Variants in LYPD6 observed in about 807,000 individuals in gnomAD.
LYPD6 encodes the protein LY6/PLAUR domain containing 6.
LYPD6 carries 15 observed loss-of-function variants against 22.7 expected under a neutral mutation model. The ratio of observed to expected loss-of-function variants is 0.66; its 90% CI spans 0.44 to 1.02. The LOEUF is 1.02. LYPD6 is among the 50% of genes least tolerant of loss of function. LYPD6 has a pLI of 0.00. For missense variants in LYPD6, 189 were observed against 208.4 expected, an observed-to-expected ratio of 0.91 and a Z score of 0.57; for synonymous variants, 72 against 77.5, an observed-to-expected ratio of 0.93 and a Z score of 0.37.
chr2:149,408,553 G>A (rs1411981546), intron 1 of LYPD6, among the ~76,000 whole-genome samples: 1 of 152,112 alleles, frequency 6.6e-6, no homozygotes, highest in Non-Finnish European at 1.5e-5. Context: ...ATTACTCTTA[G>A]AGTTGGACAT....
intron 2 of LYPD6, among the ~76,000 whole-genome samples, chr2:149,442,296 A>G (rs1305927984): frequency 1.3e-5 from 2 of 152,212 alleles, no homozygotes; most frequent in African/African-American, 2.4e-5. Flanking sequence ...TGTCTAGGCA[A>G]AAGTTCCAAG....
chr2:149,403,014 AATG>A (rs1216390067), intron 1 of LYPD6, among the ~76,000 whole-genome samples: 1 of 151,962 alleles, frequency 6.6e-6, no homozygotes, highest in Non-Finnish European at 1.5e-5. Context: ...GTTTACTGAG[AATG>A]ATGATTTCCA....
rs1227959786 is a variant in LYPD6, at chr2:149,474,043, A to G, written c.*3193A>G. The G allele has an allele frequency of 6.6e-6, 1 of 152,122 alleles. No homozygotes were observed. Among genetic ancestry groups the G allele is most frequent in the Non-Finnish European group, 1.5e-5 (1 of 68,022 alleles). The allele number at this position is 152,122 out of a possible 1,614,324, so 9.4% of individuals were successfully genotyped here. On this transcript the variant is annotated 3_prime_UTR_variant, in exon 5 of 5. Coordinates refer to ENST00000334166, the MANE Select transcript of LYPD6 (RefSeq NM_194317.5). ...AGATTTTCTCTTGATGGTTTCTTCA[A>G]CAGGAAACAGATATTGGAATAGTGT...
intron 3 of LYPD6, among the ~76,000 whole-genome samples, chr2:149,449,557 C>A (rs1374633287): frequency 6.6e-6 from 1 of 152,166 alleles, no homozygotes; most frequent in African/African-American, 2.4e-5. Context: ...TTCATGCAGT[C>A]TCTAGAATTT....
chr2:149,392,916 A>G (rs1439259617), intron 1 of LYPD6, among the ~76,000 whole-genome samples: 2 of 152,180 alleles, frequency 1.3e-5, no homozygotes, highest in African/African-American at 2.4e-5. Context: ...AGTTCCAGCT[A>G]CTTGGGAGGC....
chr2:149,385,190 G>A (rs1427410655), intron 1 of LYPD6, among the ~76,000 whole-genome samples: 2 of 151,952 alleles, frequency 1.3e-5, no homozygotes, highest in African/African-American at 2.4e-5. Flanking sequence ...GTGGCAGAGT[G>A]CAAATGGGTA....
the LYPD6 span, among the ~76,000 whole-genome samples, chr2:149,484,074 C>T: frequency 6.6e-6 from 1 of 152,216 alleles, no homozygotes; most frequent in South Asian, 2.1e-4. Context: ...AGTGAGCTTA[C>T]AACAAACGTT....
rs199989343 is a variant in LYPD6, at chr2:149,444,885, CA to C, written c.119-4161del. On this transcript the variant is annotated intron_variant, in intron 2 of 4. Coordinates refer to ENST00000334166, the MANE Select transcript of LYPD6 (RefSeq NM_194317.5). ...TGACATTTTGACCACCTGTGAATCA[CA>C]AATGTTCTTAATGGCACCTAGATGA... is the stretch of plus-strand genomic sequence containing the variant. Among the ~76,000 whole-genome samples the C allele has an allele frequency of 8.9e-3, 1,350 of 152,342 alleles. 15 individuals carry two copies. The highest frequency in any genetic ancestry group is 0.031 in the African/African-American group (1,295 of 41,574).
intron 1 of LYPD6, among the ~76,000 whole-genome samples, chr2:149,435,506 C>T (rs920177261): frequency 6.6e-6 from 1 of 152,148 alleles, no homozygotes; most frequent in Non-Finnish European, 1.5e-5. Context: ...GCAGACCTGT[C>T]CCAGAGGTGC....
intron 1 of LYPD6, among the ~76,000 whole-genome samples, chr2:149,370,217 A>C (rs1327010200): frequency 6.6e-6 from 1 of 152,184 alleles, no homozygotes; most frequent in Admixed American, 6.5e-5. Context: ...ATCTGGTATT[A>C]CATATGCCAG....
chr2:149,412,781 T>C (rs1682879650), intron 1 of LYPD6, among the ~76,000 whole-genome samples: 1 of 152,184 alleles, frequency 6.6e-6, no homozygotes, highest in South Asian at 2.1e-4. Flanking sequence ...AGTAATATCA[T>C]ATTAGGATCC....
intron 3 of LYPD6, among the ~76,000 whole-genome samples, chr2:149,467,630 A>C (rs1681230333): frequency 6.6e-6 from 1 of 152,184 alleles, no homozygotes; most frequent in African/African-American, 2.4e-5. Flanking sequence ...AGAAGGTCAT[A>C]ATTCCATATT....
chr2:149,478,417 G>T (rs1055357608), downstream of LYPD6, among the ~76,000 whole-genome samples: 4 of 139,476 alleles, frequency 2.9e-5, no homozygotes, highest in South Asian at 2.2e-4. Flanking sequence ...CGCATGTGTG[G>T]TTTTTTTTAT....
intron 3 of LYPD6, among the ~76,000 whole-genome samples, chr2:149,459,484 T>G (rs143671117): frequency 2.4e-4 from 36 of 152,374 alleles, no homozygotes; most frequent in African/African-American, 6.0e-4. Flanking sequence ...TACTTGATAC[T>G]ACAATGCAGT....
Position 149,333,560 on chromosome 2 carries a change from A to C in LYPD6, c.-72+2838A>C, listed in dbSNP as rs1306709113. On this transcript the variant is annotated intron_variant, in intron 1 of 4. Transcript: ENST00000334166. ...GTTTTCTTATGTGTAAAGCATGAAT[A>C]ATGCACCTACCTCATGCAGTTTTTA... 3.3e-5 allele frequency among the ~76,000 whole-genome samples: 5 copies of C among 152,224 alleles called. No individual in the cohort carries two copies. The South Asian group carries it at 1.0e-3, about 31-fold the overall frequency.
At chr2:149,339,937 C>T (rs1681127918) in intron 1 of LYPD6, among the ~76,000 whole-genome samples, 1 of 152,112 alleles carries the variant, frequency 6.6e-6, no homozygotes. Context: ...ATTCAGATTC[C>T]TGATCACCTA....
At chr2:149,446,566 C>T (rs1683693007) in intron 2 of LYPD6, among the ~76,000 whole-genome samples, 1 of 152,138 alleles carries the variant, frequency 6.6e-6, no homozygotes. Context: ...AATTATATGA[C>T]ATTTTCCCCC....
intron 1 of LYPD6, among the ~76,000 whole-genome samples, chr2:149,422,363 A>G (rs1683099331): frequency 6.6e-6 from 1 of 152,126 alleles, no homozygotes. Flanking sequence ...ACTGTACCAC[A>G]CTGCTTTCGA....
At chr2:149,344,473 T>C (rs942192077) in intron 1 of LYPD6, among the ~76,000 whole-genome samples, 2 of 152,128 alleles carry the variant, frequency 1.3e-5, no homozygotes, top group African/African-American at 4.8e-5. Context: ...CAGAAAAGAA[T>C]AATTTACAAA....
Sources: gnomAD v4.1 joint callset for allele counts (sites outside exome capture counted in the v4.1 genomes callset) on GRCh38, gnomAD v4.1.1 for gene constraint, MANE v1.5 for transcripts, NCBI Gene and HGNC (gene_info 2026-07-23, HGNC 2026-07-21) for gene names.